The following SLC13A3 variants were observed in gnomAD, a reference collection of about 807,000 sequenced individuals.
SLC13A3 encodes Na(+)/dicarboxylate cotransporter 3.
SLC13A3 carries 40 observed loss-of-function variants against 59.0 expected under a neutral mutation model. The ratio of observed to expected loss-of-function variants is 0.68; its 90% CI spans 0.53 to 0.88. The LOEUF (loss-of-function observed/expected upper bound fraction) is 0.88. Ranked by LOEUF, SLC13A3 falls within the 40% of genes least tolerant of loss-of-function variation. SLC13A3 has a pLI of 0.00. For missense variants in SLC13A3, 699 were observed against 783.2 expected (o/e 0.89, Z 1.28); for synonymous variants, 317 against 330.3 (o/e 0.96, Z 0.44).
intron 4 of SLC13A3, among the ~76,000 whole-genome samples, chr20:46,597,819 G>A (rs2062330336): frequency 6.6e-6 from 1 of 152,200 alleles, no homozygotes; most frequent in Non-Finnish European, 1.5e-5. Context: ...CTGGAAGTGA[G>A]ATGTTAAATG....
chr20:46,656,579 C>T (rs1057176969), intron 1 of SLC13A3, among the ~76,000 whole-genome samples: 2 of 144,958 alleles, frequency 1.4e-5, no homozygotes, highest in Admixed American at 7.0e-5. Flanking sequence ...CTATACAGTA[C>T]ATATATTATA....
intron 8 of SLC13A3, chr20:46,585,081 C>T (rs571762028): frequency 1.1e-6 from 1 of 899,024 alleles, no homozygotes; most frequent in African/African-American, 1.8e-5. Flanking sequence ...TGCTCCCATT[C>T]TGTAGAGTAC....
chr20:46,579,971 CT>C (rs369263062), intron 9 of SLC13A3, among the ~76,000 whole-genome samples: 317 of 146,594 alleles, frequency 2.2e-3, no homozygotes, highest in African/African-American at 4.4e-3. Context: ...CTCATCACTA[CT>C]TTTTTTTTTT....
intron 10 of SLC13A3, among the ~76,000 whole-genome samples, chr20:46,570,350 C>T (rs2062019357): frequency 6.6e-6 from 1 of 152,230 alleles, no homozygotes; most frequent in Non-Finnish European, 1.5e-5. Context: ...GGAATACAGA[C>T]TACAGATGCT....
upstream of SLC13A3, among the ~76,000 whole-genome samples, chr20:46,670,470 G>C (rs2063084880): frequency 6.6e-6 from 1 of 152,108 alleles, no homozygotes; most frequent in Non-Finnish European, 1.5e-5. Context: ...TTGGCCAATG[G>C]GACATCAGCA....
At chr20:46,563,821 C>T (rs1037835916) in intron 11 of SLC13A3, among the ~76,000 whole-genome samples, 1 of 152,020 alleles carries the variant, frequency 6.6e-6, no homozygotes, top group Non-Finnish European at 1.5e-5. Context: ...AGAACCAGAT[C>T]GAGAGAGAGG....
intron 1 of SLC13A3, among the ~76,000 whole-genome samples, chr20:46,646,073 G>T (rs922822506): frequency 6.6e-6 from 1 of 152,154 alleles, no homozygotes; most frequent in Non-Finnish European, 1.5e-5. Context: ...GCTCCCTGAG[G>T]CTCAAATGAG....
intron 6 of SLC13A3, 99 bp from the exon 7 acceptor site, chr20:46,589,354 G>C (rs2062229784): frequency 1.0e-6 from 1 of 956,246 alleles, no homozygotes; most frequent in East Asian, 2.4e-5. Flanking sequence ...CATCCTCTCT[G>C]TCCGGGAGGC....
intron 4 of SLC13A3, among the ~76,000 whole-genome samples, chr20:46,599,126 C>T (rs905342366): frequency 6.6e-6 from 1 of 152,216 alleles, no homozygotes; most frequent in Non-Finnish European, 1.5e-5. Flanking sequence ...CCATGGATTA[C>T]ATTCACTTAT....
At position 46,600,250 on chromosome 20, in the gene SLC13A3, GAGGA is replaced by G. The variant is rs750782174; in HGVS notation, c.542-217_542-214del. 6.0e-5 allele frequency among the ~76,000 whole-genome samples: 8 copies of G among 133,890 alleles called. No homozygotes were observed. The South Asian group carries it at 2.0e-3, about 33-fold the overall frequency. The allele number at this position is 133,890 out of a possible 152,430, so 87.8% of individuals were successfully genotyped here. A position where few individuals can be genotyped will look rare whatever the true frequency, so the allele number is the denominator to read the frequency against. ...GGAGGGAGGGAGGGAGAGAGAGATG[GAGGA>G]AGGAAGGAAAGGAAAGGAAAGGAAA... is the stretch of plus-strand genomic sequence containing the variant. On this transcript the variant is annotated intron_variant, in intron 3 of 12. Coordinates refer to ENST00000279027, the MANE Select transcript of SLC13A3 (RefSeq NM_022829.6).
At chr20:46,608,847 CATCT>C (rs2062462648) in intron 3 of SLC13A3, 1 of 1,533,970 alleles carries the variant, frequency 6.5e-7, no homozygotes, top group Non-Finnish European at 8.8e-7. Context: ...GCAGATCTGC[CATCT>C]ATCTCTCAAG....
intron 1 of SLC13A3, among the ~76,000 whole-genome samples, chr20:46,676,637 G>A (rs1568968005): frequency 6.6e-6 from 1 of 151,916 alleles, no homozygotes; most frequent in Non-Finnish European, 1.5e-5. Context: ...CCAGGCTGGA[G>A]TGCAGTGGTG....
At chr20:46,607,143 T>A (rs1485986670) in intron 3 of SLC13A3, among the ~76,000 whole-genome samples, 1 of 152,216 alleles carries the variant, frequency 6.6e-6, no homozygotes, top group Admixed American at 6.5e-5. Flanking sequence ...AGCCTCAGTT[T>A]CCTCATCTAT....
At chr20:46,583,868 T>C (rs1172275003) in intron 8 of SLC13A3, 199 bp from the exon 9 acceptor site, 1 of 985,390 alleles carries the variant, frequency 1.0e-6, no homozygotes, top group Non-Finnish European at 1.2e-6. Flanking sequence ...CCTGGGGGCA[T>C]TTAGATGCTG....
chr20:46,649,942 G>A (rs957663363), intron 1 of SLC13A3, among the ~76,000 whole-genome samples: 2 of 152,162 alleles, frequency 1.3e-5, no homozygotes, highest in Non-Finnish European at 2.9e-5. Flanking sequence ...TCCAGGAGAA[G>A]CTCCCTGGTC....
intron 1 of SLC13A3, among the ~76,000 whole-genome samples, chr20:46,637,018 C>G (rs1010227476): frequency 1.3e-5 from 2 of 152,120 alleles, no homozygotes; most frequent in African/African-American, 2.4e-5. Context: ...CCAGGTTGGT[C>G]TCGATCTCCT....
intron 10 of SLC13A3, 151 bp from the exon 11 acceptor site, chr20:46,566,541 C>T: frequency 1.3e-6 from 1 of 794,034 alleles, no homozygotes; most frequent in Non-Finnish European, 1.9e-6. Context: ...TGTCCAATGT[C>T]ACACATTCGA....
At chr20:46,674,633 G>GTGTGTT (rs1401849668), upstream of SLC13A3, among the ~76,000 whole-genome samples, 1 of 151,334 alleles carries the variant, frequency 6.6e-6, no homozygotes, top group Non-Finnish European at 1.5e-5. Flanking sequence ...GTGTGTGTGT[G>GTGTGTT]TGTTTGTTTG....
chr20:46,583,411 G>A, intron 9 of SLC13A3, 161 bp downstream of exon 9: 2 of 1,419,542 alleles, frequency 1.4e-6, no homozygotes, highest in Non-Finnish European at 1.8e-6. Context: ...ACCACCTGGG[G>A]CAGCCCTCAG....
Sources: gnomAD v4.1 joint callset for allele counts (sites outside exome capture counted in the v4.1 genomes callset) on GRCh38, gnomAD v4.1.1 for gene constraint, MANE v1.5 for transcripts, NCBI Gene and HGNC (gene_info 2026-07-23, HGNC 2026-07-21) for gene names.